ADGRE3: variants seen among roughly 807,000 people sequenced by gnomAD.
ADGRE3 encodes EGF-like module receptor 3.
A neutral mutation model predicts 80.1 loss-of-function variants in ADGRE3; 88 were observed. The ratio of observed to expected loss-of-function variants is 1.10; its 90% CI spans 0.93 to 1.31. ADGRE3 has a LOEUF of 1.31. Ranked by LOEUF, ADGRE3 falls within the 40% of genes most tolerant of loss-of-function variation. The probability of loss-of-function intolerance (pLI) is 0.00; values close to 1 mark genes in which losing one functional copy is unlikely to be tolerated. For synonymous variants in ADGRE3, 281 were observed against 294.8 expected (o/e 0.95, Z 0.48); for missense variants, 715 against 776.5 (o/e 0.92, Z 0.94).
chr19:14,658,426 A>G lies in ADGRE3; in HGVS notation c.393+87T>C, dbSNP rs1270652117. Reference sequence around the variant, plus strand: ...ATAATATATATTTTGCCCTAAATCCATCCCCATTTGCTCACTTTGGGCTTT... The same window carrying G: ...ATAATATATATTTTGCCCTAAATCCGTCCCCATTTGCTCACTTTGGGCTTT... On this transcript the variant is annotated intron_variant, in intron 5 of 15. Coordinates refer to ENST00000253673, the MANE Select transcript of ADGRE3 (RefSeq NM_032571.5). 1.2e-5 allele frequency: 11 copies of G among 880,856 alleles called. 1 individual carries two copies. The highest frequency in any genetic ancestry group is 1.7e-5 in the Non-Finnish European group (10 of 605,362). The allele number at this position is 880,856 out of a possible 1,614,324, so 54.6% of individuals were successfully genotyped here. A position where few individuals can be genotyped will look rare whatever the true frequency, so the allele number is the denominator to read the frequency against.
chr19:14,644,076 T>C, intron 9 of ADGRE3, 32 bp downstream of exon 9: 1 of 1,355,272 alleles, frequency 7.4e-7, no homozygotes. Flanking sequence ...TCAGAAAGTA[T>C]TTGCTGGAAG....
rs1427121064 is a variant in ADGRE3, at chr19:14,653,945, G to GC, written c.577+1036_577+1037insG. Among the ~76,000 whole-genome samples the GC allele has an allele frequency of 3.1e-4, 16 of 52,106 alleles. No homozygotes were observed. In the East Asian group the frequency reaches 0.015, roughly 49 times the overall value. 34.2% of individuals were successfully genotyped at this position (52,106 alleles called of 152,430 possible). ...CTTTTTCAAAGCCTGCTGTGTGTGT[G>GC]TTTTTTTTTTTTTTTTTTTTAATTT... On this transcript the variant is annotated intron_variant, in intron 6 of 15. Transcript: ENST00000253673.
intron 5 of ADGRE3, 34 bp downstream of exon 5, chr19:14,658,479 C>T (rs765391957): frequency 2.7e-6 from 4 of 1,498,480 alleles, no homozygotes; most frequent in Non-Finnish European, 2.7e-6. Flanking sequence ...ATGTTTGTTA[C>T]CTGGGAAGGG....
At chr19:14,662,148 C>T (rs779738219) in intron 3 of ADGRE3, 30 bp from the exon 4 acceptor site, 1 of 1,610,730 alleles carries the variant, frequency 6.2e-7, no homozygotes, top group Non-Finnish European at 8.5e-7. Context: ...TTGGGTCATT[C>T]ATTCAGCAAA....
chr19:14,664,289 T>C (rs1273043515), intron 2 of ADGRE3, among the ~76,000 whole-genome samples: 1 of 151,884 alleles, frequency 6.6e-6, no homozygotes, highest in Non-Finnish European at 1.5e-5. Flanking sequence ...AATACAAAAT[T>C]AGCCAGGCGT....
At chr19:14,628,682 G>C in intron 14 of ADGRE3, 1 of 386,640 alleles carries the variant, frequency 2.6e-6, no homozygotes, top group Non-Finnish European at 5.2e-6. Flanking sequence ...GGTTTGAGAT[G>C]TGAGTTGCAA....
the ADGRE3 span, among the ~76,000 whole-genome samples, chr19:14,612,972 C>T: frequency 6.6e-6 from 1 of 151,562 alleles, no homozygotes; most frequent in Admixed American, 6.6e-5. Context: ...GTTGCCCAGG[C>T]TGGAGTGCAG....
At chr19:14,637,714 G>C (rs1296348050) in intron 11 of ADGRE3, among the ~76,000 whole-genome samples, 1 of 151,544 alleles carries the variant, frequency 6.6e-6, no homozygotes, top group Non-Finnish European at 1.5e-5. Context: ...TTTTTGTAGA[G>C]ATGAGGGCCT....
chr19:14,609,558 C>T, the ADGRE3 span, among the ~76,000 whole-genome samples: 2 of 152,150 alleles, frequency 1.3e-5, no homozygotes, highest in African/African-American at 4.8e-5. Context: ...GATTAAGGGG[C>T]CAGGCACGGT....
chr19:14,611,296 C>T, the ADGRE3 span: 1 of 149,814 alleles, frequency 6.7e-6, no homozygotes, highest in East Asian at 2.0e-4. Context: ...TTCTCAATGT[C>T]TTGGGTGAGG....
chr19:14,658,011 T>A (rs902527006), intron 5 of ADGRE3, among the ~76,000 whole-genome samples: 1 of 152,038 alleles, frequency 6.6e-6, no homozygotes, highest in African/African-American at 2.4e-5. Flanking sequence ...GTAACATGCC[T>A]ACCTCGGCCT....
At chr19:14,609,638 G>C in the ADGRE3 span, among the ~76,000 whole-genome samples, 1 of 150,876 alleles carries the variant, frequency 6.6e-6, no homozygotes, top group Non-Finnish European at 1.5e-5. Flanking sequence ...AGGAGTTCAA[G>C]ACCAGCCTGG....
rs777637528 is a variant in ADGRE3, at chr19:14,625,481, G to A, written c.1920+11C>T. ...TGTAAAACATTAGAACAATTCAGAT[G>A]TTTCACTTACCTCACTGGGTTTTGA... On this transcript the variant is annotated intron_variant, in intron 15 of 15. Coordinates refer to ENST00000253673, the MANE Select transcript of ADGRE3 (RefSeq NM_032571.5). The A allele has an allele frequency of 4.6e-6, 7 of 1,523,784 alleles. No homozygotes were observed. The highest frequency in any genetic ancestry group is 1.7e-4 in the Middle Eastern group (1 of 5,912). 94.4% of individuals were successfully genotyped at this position (1,523,784 alleles called of 1,614,324 possible).
At chr19:14,663,623 G>C in intron 2 of ADGRE3, 83 bp from the exon 3 acceptor site, 3 of 1,470,906 alleles carry the variant, frequency 2.0e-6, no homozygotes, top group Non-Finnish European at 2.7e-6. Context: ...TTGATCACCT[G>C]AGGTCAGGAG....
chr19:14,616,704 T>C (rs1236784679), downstream of ADGRE3, among the ~76,000 whole-genome samples: 2 of 151,882 alleles, frequency 1.3e-5, no homozygotes, highest in Non-Finnish European at 2.9e-5. Context: ...TTTGGTGTGT[T>C]GCAAGCAGAA....
intron 4 of ADGRE3, 31 bp from the exon 5 acceptor site, chr19:14,658,581 T>C: frequency 6.6e-7 from 1 of 1,526,616 alleles, no homozygotes; most frequent in South Asian, 1.3e-5. Flanking sequence ...GAGTTACTAT[T>C]GGAACTGAGA....
At chr19:14,672,430 A>G (rs1322221263) in intron 1 of ADGRE3, among the ~76,000 whole-genome samples, 1 of 152,140 alleles carries the variant, frequency 6.6e-6, no homozygotes, top group Non-Finnish European at 1.5e-5. Context: ...AAGCTTCCTT[A>G]TGTGAAATAG....
chr19:14,667,602 A>G (rs1972139095), intron 2 of ADGRE3, among the ~76,000 whole-genome samples: 1 of 151,994 alleles, frequency 6.6e-6, no homozygotes, highest in Non-Finnish European at 1.5e-5. Flanking sequence ...AGAAAACCAA[A>G]CACCGCATGT....
chr19:14,624,096 CTT>C (rs760687394), intron 15 of ADGRE3, among the ~76,000 whole-genome samples: 107 of 139,782 alleles, frequency 7.7e-4, no homozygotes, highest in African/African-American at 1.3e-3. Flanking sequence ...ACCTGGCTTC[CTT>C]TTTTTTTTTT....
Sources: gnomAD v4.1 joint callset for allele counts (sites outside exome capture counted in the v4.1 genomes callset) on GRCh38, gnomAD v4.1.1 for gene constraint, MANE v1.5 for transcripts, NCBI Gene and HGNC (gene_info 2026-07-23, HGNC 2026-07-21) for gene names.